Variants in RGL1 observed in about 807,000 individuals in gnomAD.
RGL1 encodes ral guanine nucleotide dissociation stimulator like 1, also known as ral guanine nucleotide dissociation stimulator-like 1.
A neutral mutation model predicts 95.2 loss-of-function variants in RGL1; 24 were observed. That is an observed-to-expected ratio of 0.25 (90% CI 0.18 to 0.35). RGL1 has a LOEUF of 0.35. RGL1 is among the 10% of genes least tolerant of loss of function. RGL1 has a pLI of 1.00. For synonymous variants in RGL1, 329 were observed against 344.9 expected (o/e 0.95, Z 0.51); for missense variants, 715 against 936.3 (o/e 0.76, Z 3.08).
intron 2 of RGL1, among the ~76,000 whole-genome samples, chr1:183,806,766 C>T (rs910359771): frequency 3.9e-5 from 6 of 152,064 alleles, no homozygotes; most frequent in Admixed American, 2.6e-4. Flanking sequence ...GAAAATGACA[C>T]ACAGAATACA....
At chr1:183,659,117 C>A (rs1323467937) in intron 1 of RGL1, among the ~76,000 whole-genome samples, 6 of 152,060 alleles carry the variant, frequency 3.9e-5, no homozygotes, top group Admixed American at 1.3e-4. Flanking sequence ...AAAAACAGAG[C>A]AGAAAAACTG....
chr1:183,714,474 A>G (rs1405856192), intron 1 of RGL1, among the ~76,000 whole-genome samples: 1 of 152,244 alleles, frequency 6.6e-6, no homozygotes, highest in Non-Finnish European at 1.5e-5. Flanking sequence ...CTCACACACC[A>G]GGATTAAGGG....
chr1:183,756,998 A>ACACTTAG (rs1276768483), intron 2 of RGL1, among the ~76,000 whole-genome samples: 1 of 149,184 alleles, frequency 6.7e-6, no homozygotes, highest in African/African-American at 2.5e-5. Flanking sequence ...CCATTGGATA[A>ACACTTAG]CACTTAGTTG....
chr1:183,893,285 A>G (rs1277906091), intron 9 of RGL1, among the ~76,000 whole-genome samples: 1 of 152,232 alleles, frequency 6.6e-6, no homozygotes, highest in Non-Finnish European at 1.5e-5. Context: ...TGGGCAATCA[A>G]AAGTTGTGAT....
chr1:183,837,624 G>A (rs1369223866), intron 2 of RGL1, among the ~76,000 whole-genome samples: 2 of 152,144 alleles, frequency 1.3e-5, no homozygotes, highest in Non-Finnish European at 1.5e-5. Context: ...AGTAGGTAAC[G>A]AAGTCATTGA....
At chr1:183,836,417 A>AT (rs530157298) in intron 2 of RGL1, among the ~76,000 whole-genome samples, 22,443 of 145,046 alleles carry the variant, frequency 0.15, 2,324 homozygotes, top group African/African-American at 0.29. Context: ...CACCCAGCTA[A>AT]TTTTTTTTTT....
intron 1 of RGL1, among the ~76,000 whole-genome samples, chr1:183,681,666 G>T (rs888312796): frequency 6.6e-6 from 1 of 152,156 alleles, no homozygotes; most frequent in African/African-American, 2.4e-5. Context: ...CCAGGCGTTG[G>T]TATCAGGATG....
At chr1:183,691,466 C>T (rs1025882142) in intron 1 of RGL1, among the ~76,000 whole-genome samples, 1 of 152,130 alleles carries the variant, frequency 6.6e-6, no homozygotes, top group Non-Finnish European at 1.5e-5. Flanking sequence ...TCCTTTGTTT[C>T]CTGGCTTGTT....
At chr1:183,675,014 G>A (rs558053726) in intron 1 of RGL1, among the ~76,000 whole-genome samples, 57 of 152,200 alleles carry the variant, frequency 3.7e-4, no homozygotes, top group Non-Finnish European at 7.1e-4. Context: ...CCTGCTGAAA[G>A]CTATTTTACA....
intron 3 of RGL1, among the ~76,000 whole-genome samples, chr1:183,864,925 A>T (rs1301515895): frequency 6.6e-6 from 1 of 152,238 alleles, no homozygotes; most frequent in Non-Finnish European, 1.5e-5. Context: ...AGGAACCATA[A>T]GGGTACTGGG....
intron 3 of RGL1, among the ~76,000 whole-genome samples, chr1:183,855,519 A>T (rs1434478576): frequency 6.6e-6 from 1 of 152,254 alleles, no homozygotes; most frequent in East Asian, 1.9e-4. Context: ...TGCAGTGTTC[A>T]TGTTCCTGTA....
chr1:183,679,679 T>G (rs981386067), intron 1 of RGL1, among the ~76,000 whole-genome samples: 1 of 152,192 alleles, frequency 6.6e-6, no homozygotes, highest in Non-Finnish European at 1.5e-5. Context: ...TAAACATATG[T>G]GTGCATGTGT....
chr1:183,835,252 A>AATTTACAAGTCAGG (rs1663563549), intron 2 of RGL1, among the ~76,000 whole-genome samples: 1 of 152,150 alleles, frequency 6.6e-6, no homozygotes, highest in Admixed American at 6.5e-5. Context: ...TACAAGTCAG[A>AATTTACAAGTCAGG]ATTTATAAAT....
At chr1:183,757,615 T>G (rs1337871769) in intron 2 of RGL1, among the ~76,000 whole-genome samples, 1 of 152,216 alleles carries the variant, frequency 6.6e-6, no homozygotes, top group African/African-American at 2.4e-5. Flanking sequence ...AAATGGAATA[T>G]TGAGACTGAA....
Position 183,926,379 on chromosome 1 carries a change from C to T in RGL1, c.*87C>T, listed in dbSNP as rs531057009. 1.8e-4 allele frequency: 203 copies of T among 1,145,898 alleles called. No homozygotes were observed. Among genetic ancestry groups the T allele is most frequent in the Non-Finnish European group, 6.1e-5 (50 of 813,622 alleles). The allele number at this position is 1,145,898 out of a possible 1,614,324, so 71.0% of individuals were successfully genotyped here. A position where few individuals can be genotyped will look rare whatever the true frequency, so the allele number is the denominator to read the frequency against. On this transcript the variant is annotated 3_prime_UTR_variant, in exon 18 of 18. Coordinates refer to ENST00000360851, the MANE Select transcript of RGL1 (RefSeq NM_001297671.3). ...GTGATTGCAATTACCATCCGGTGTT[C>T]GAGGATCATTGGTGAAGTCAGCAGA...
chr1:183,680,695 T>C (rs1653153546), intron 1 of RGL1, among the ~76,000 whole-genome samples: 1 of 152,176 alleles, frequency 6.6e-6, no homozygotes, highest in South Asian at 2.1e-4. Context: ...TTAAAGTAGT[T>C]TTTTTCTGAT....
intron 3 of RGL1, among the ~76,000 whole-genome samples, chr1:183,855,766 AG>A (rs778245578): frequency 1.6e-4 from 25 of 152,346 alleles, no homozygotes; most frequent in Admixed American, 3.9e-4. Flanking sequence ...GGTCTCTTAT[AG>A]CATTAACACT....
At chr1:183,916,176 C>G (rs1435133840) in intron 15 of RGL1, among the ~76,000 whole-genome samples, 1 of 152,098 alleles carries the variant, frequency 6.6e-6, no homozygotes, top group Admixed American at 6.5e-5. Flanking sequence ...TGGTTAACTT[C>G]TATAAGAACA....
At chr1:183,779,184 C>T (rs1296465016) in intron 2 of RGL1, among the ~76,000 whole-genome samples, 1 of 142,686 alleles carries the variant, frequency 7.0e-6, no homozygotes, top group African/African-American at 2.7e-5. Flanking sequence ...TCCTTCCTTC[C>T]TTCCTTCCTT....
Sources: allele counts gnomAD v4.1 joint callset (sites outside exome capture counted in the v4.1 genomes callset), GRCh38; gene constraint gnomAD v4.1.1; transcripts MANE v1.5; gene names NCBI Gene and HGNC (gene_info 2026-07-23, HGNC 2026-07-21).